The following TMEM175 variants were observed in gnomAD, a reference collection of about 807,000 sequenced individuals.
TMEM175 encodes the protein transmembrane protein 175.
Under a neutral mutation model 36.5 loss-of-function variants are expected in TMEM175, and 36 were observed. That is an observed-to-expected ratio of 0.99 (90% CI 0.76 to 1.30). TMEM175 has a LOEUF of 1.30. TMEM175 is among the 50% of genes most tolerant of loss of function. TMEM175 has a pLI of 0.00. For missense variants in TMEM175, 705 were observed against 692.8 expected (o/e 1.02, Z -0.20); for synonymous variants, 339 against 313.4 (o/e 1.08, Z -0.86).
At chr4:944,990 C>G (rs556034623) in intron 1 of TMEM175, among the ~76,000 whole-genome samples, 1 of 152,250 alleles carries the variant, frequency 6.6e-6, no homozygotes, top group East Asian at 1.9e-4. Flanking sequence ...GTAGTCCCAG[C>G]AACACAGGAG....
intron 6 of TMEM175, 96 bp downstream of exon 6, chr4:951,813 C>A: frequency 7.6e-7 from 1 of 1,310,654 alleles, no homozygotes; most frequent in Non-Finnish European, 1.1e-6. Context: ...GGCCCAGGGC[C>A]CAGGCCACAC....
chr4:947,808 C>T lies in TMEM175; in HGVS notation c.69C>T (p.Asp23=), dbSNP rs201140238. Reference sequence around the variant, plus strand: ...GGGACTGCCCCCCAGGCAGGAGAGACGAGGACGCTGGGGAGGGGATCCAGT... The same window carrying T: ...GGGACTGCCCCCCAGGCAGGAGAGATGAGGACGCTGGGGAGGGGATCCAGT... ...TPGDCPPGRR[D]EDAGEGIQCS... Residue 23 remains aspartate, a synonymous_variant, in exon 2 of 11, where the codon GAC becomes GAT. Transcript: ENST00000264771. 3.2e-5 allele frequency: 52 copies of T among 1,613,180 alleles called. No homozygotes were observed. The highest frequency in any genetic ancestry group is 3.6e-5 in the Non-Finnish European group (43 of 1,179,982).
intron 7 of TMEM175, 113 bp downstream of exon 7, chr4:952,563 C>CTGTGTGTG (rs147980248): frequency 2.4e-4 from 162 of 663,812 alleles, no homozygotes; most frequent in African/African-American, 7.4e-4. Context: ...GGGGCCTGCA[C>CTGTGTGTG]TGTGTGTGTG....
chr4:948,018 G>C (rs530988179), intron 2 of TMEM175, 98 bp from the exon 3 acceptor site: 1 of 1,611,516 alleles, frequency 6.2e-7, no homozygotes, highest in African/African-American at 1.3e-5. Context: ...GGCAGCTTAG[G>C]GGGGCCCAGC....
intron 1 of TMEM175, among the ~76,000 whole-genome samples, chr4:939,101 A>G (rs893202935): frequency 6.6e-6 from 1 of 152,240 alleles, no homozygotes; most frequent in African/African-American, 2.4e-5. Context: ...GTTTGAATCT[A>G]GCCTGGGCAA....
At chr4:956,067 GGCGGCCCCTCCCTTCCCA>G (rs538050271) in intron 10 of TMEM175, 177 bp downstream of exon 10, 30 of 786,522 alleles carry the variant, frequency 3.8e-5, no homozygotes, top group African/African-American at 1.7e-4. Flanking sequence ...CAACCTTCCC[GGCGGCCCCTCCCTTCCCA>G]GCGGCCCCTC....
intron 1 of TMEM175, among the ~76,000 whole-genome samples, chr4:946,862 C>T (rs1728203008): frequency 6.6e-6 from 1 of 151,164 alleles, no homozygotes. Context: ...GGCACGCGTG[C>T]ACAGGCGCCG....
intron 1 of TMEM175, among the ~76,000 whole-genome samples, chr4:936,898 A>C (rs1414930627): frequency 1.3e-5 from 2 of 152,178 alleles, no homozygotes; most frequent in Admixed American, 1.3e-4. Flanking sequence ...CGGAGGTTGC[A>C]GTGAGCCGAG....
chr4:940,118 A>G (rs955688821), intron 1 of TMEM175, among the ~76,000 whole-genome samples: 1 of 152,232 alleles, frequency 6.6e-6, no homozygotes, highest in Non-Finnish European at 1.5e-5. Context: ...TTCTAACTAT[A>G]GAACATTCTG....
intron 1 of TMEM175, among the ~76,000 whole-genome samples, chr4:937,050 C>T (rs1726876374): frequency 6.6e-6 from 1 of 152,050 alleles, no homozygotes; most frequent in Admixed American, 6.5e-5. Flanking sequence ...TGTTATCTAA[C>T]CATCTTTTTT....
chr4:935,852 A>G (rs1337235779), intron 1 of TMEM175, among the ~76,000 whole-genome samples: 1 of 152,234 alleles, frequency 6.6e-6, no homozygotes, highest in Non-Finnish European at 1.5e-5. Flanking sequence ...ATATTTGGAA[A>G]CTGAATAACT....
rs1314983139 is a variant in TMEM175, at chr4:950,496, G to A, written c.268G>A (p.Val90Met). Residue 90 changes from valine (V) to methionine (M), a missense_variant, in exon 4 of 11, where the codon GTG becomes ATG. Physicochemically the swap from Val to Met is conservative, Grantham distance 21 (BLOSUM62 1). Coordinates refer to ENST00000264771, the MANE Select transcript of TMEM175 (RefSeq NM_032326.4). Reference sequence around the variant, plus strand: ...CCTGATGACCTTTCTCATCGTGACAGTGGCCTGGGCAGCACACACAAGGTG... The same window carrying A: ...CCTGATGACCTTTCTCATCGTGACAATGGCCTGGGCAGCACACACAAGGTG... Reference protein sequence around the residue: ...VYLMTFLIVTVAWAAHTRLFQ... With the variant: ...VYLMTFLIVTMAWAAHTRLFQ... 8.7e-6 allele frequency: 14 copies of A among 1,613,916 alleles called. No individual in the cohort carries two copies. Among genetic ancestry groups the A allele is most frequent in the Non-Finnish European group, 1.2e-5 (14 of 1,179,980 alleles).
intron 8 of TMEM175, among the ~76,000 whole-genome samples, chr4:954,752 C>G (rs529154584): frequency 6.6e-6 from 1 of 152,206 alleles, no homozygotes; most frequent in African/African-American, 2.4e-5. Context: ...CAGCATTTTA[C>G]ATTCCCACCA....
At position 947,977 on chromosome 4, in the gene TMEM175, T is replaced by C. The variant is rs776690696; in HGVS notation, c.153+85T>C. On this transcript the variant is annotated intron_variant, in intron 2 of 10. Coordinates refer to ENST00000264771, the MANE Select transcript of TMEM175 (RefSeq NM_032326.4). Reference sequence around the variant, plus strand: ...GCCCACCTCAGACCTGTCTAGGTCTTGCCAGCATCCTTGGGTCCCCCAGCT... The same window carrying C: ...GCCCACCTCAGACCTGTCTAGGTCTCGCCAGCATCCTTGGGTCCCCCAGCT... 3.7e-6 allele frequency: 6 copies of C among 1,611,214 alleles called. No individual in the cohort carries two copies. In the East Asian group the frequency reaches 1.1e-4, roughly 30 times the overall value.
At position 951,213 on chromosome 4, in the gene TMEM175, C is replaced by A; in HGVS notation, c.297C>A (p.Phe99Leu). ...TTTTTCTTAAATGGTTTAGGTTGTT[C>A]CAAGTTGTTGGGAAAACAGACGACA... ...TVAWAAHTRLFQVVGKTDDTL... is the reference protein window; with the variant it reads ...TVAWAAHTRLLQVVGKTDDTL... The change falls in exon 5 of 11, where the codon TTC becomes TTA. Residue 99 changes from phenylalanine (F) to leucine (L), a missense_variant. By Grantham distance (22) the Phe-to-Leu change is conservative. Transcript: ENST00000264771. 6.2e-7 allele frequency: 1 copy of A among 1,614,016 alleles called. No homozygotes were observed. The highest frequency in any genetic ancestry group is 8.5e-7 in the Non-Finnish European group (1 of 1,179,972).
chr4:951,564 G>T, intron 5 of TMEM175, 118 bp from the exon 6 acceptor site: 2 of 1,348,776 alleles, frequency 1.5e-6, no homozygotes, highest in Admixed American at 1.8e-5. Context: ...ACTCACACTC[G>T]CTGGCCCACC....
intron 1 of TMEM175, among the ~76,000 whole-genome samples, chr4:941,194 G>A (rs1277907230): frequency 1.3e-5 from 2 of 150,492 alleles, no homozygotes; most frequent in African/African-American, 2.4e-5. Flanking sequence ...TGGCCAACAT[G>A]GTGAAACCCT....
chr4:940,102 GTA>G (rs1727253435), intron 1 of TMEM175, among the ~76,000 whole-genome samples: 1 of 152,176 alleles, frequency 6.6e-6, no homozygotes, highest in Admixed American at 6.5e-5. Flanking sequence ...GTTCCATACT[GTA>G]TGATTCTAAC....
chr4:950,681 G>A (rs1415807656), intron 4 of TMEM175, among the ~76,000 whole-genome samples, 163 bp downstream of exon 4: 5 of 88,878 alleles, frequency 5.6e-5, no homozygotes, highest in African/African-American at 9.6e-5. Context: ...CAGGGCCTGG[G>A]ACAGTGTGGA....
Sources: gnomAD v4.1 joint callset for allele counts (sites outside exome capture counted in the v4.1 genomes callset) on GRCh38, gnomAD v4.1.1 for gene constraint, MANE v1.5 for transcripts, NCBI Gene and HGNC (gene_info 2026-07-23, HGNC 2026-07-21) for gene names.